SLC35F3: variants seen among roughly 807,000 people sequenced by gnomAD.
SLC35F3 encodes solute carrier family 35 member F3.
SLC35F3 carries 25 observed loss-of-function variants against 49.9 expected under a neutral mutation model. That is an observed-to-expected ratio of 0.50 (90% CI 0.37 to 0.70). The LOEUF (loss-of-function observed/expected upper bound fraction) is 0.70, where lower values mean the gene tolerates loss of function less well. SLC35F3 is among the 30% of genes least tolerant of loss of function. The pLI is 0.00. For missense variants in SLC35F3, 525 were observed against 639.8 expected, an observed-to-expected ratio of 0.82 and a Z score of 1.94; for synonymous variants, 275 against 265.4, an observed-to-expected ratio of 1.04 and a Z score of -0.35.
chr1:233,931,240 G>T (rs1662237563), intron 2 of SLC35F3, among the ~76,000 whole-genome samples: 2 of 152,210 alleles, frequency 1.3e-5, no homozygotes, highest in South Asian at 2.1e-4. Flanking sequence ...AAGACTTCAT[G>T]TCTAAAACAC....
intron 2 of SLC35F3, among the ~76,000 whole-genome samples, chr1:234,091,560 A>G (rs1166518890): frequency 2.0e-5 from 3 of 152,156 alleles, no homozygotes; most frequent in African/African-American, 4.8e-5. Flanking sequence ...CCCTGCTCAA[A>G]AGGGAGAAGC....
At chr1:234,061,780 T>C (rs1050858333) in intron 2 of SLC35F3, among the ~76,000 whole-genome samples, 1 of 152,208 alleles carries the variant, frequency 6.6e-6, no homozygotes, top group African/African-American at 2.4e-5. Context: ...GTTATACTTT[T>C]CAACTCCAGA....
chr1:234,221,261 G>T (rs1192245943), intron 2 of SLC35F3, among the ~76,000 whole-genome samples: 1 of 152,150 alleles, frequency 6.6e-6, no homozygotes, highest in Non-Finnish European at 1.5e-5. Flanking sequence ...GAGAAGCTAT[G>T]CTGTCTTAAG....
intron 2 of SLC35F3, among the ~76,000 whole-genome samples, chr1:234,070,043 A>G (rs1160860824): frequency 6.6e-6 from 1 of 152,230 alleles, no homozygotes; most frequent in African/African-American, 2.4e-5. Context: ...CTCCTCCACC[A>G]GGAAGTTGGT....
At chr1:233,936,575 C>T (rs1316217534) in intron 2 of SLC35F3, among the ~76,000 whole-genome samples, 1 of 151,694 alleles carries the variant, frequency 6.6e-6, no homozygotes. Context: ...TCTCCTCCTT[C>T]CTCTTCCTCC....
chr1:234,140,715 G>T (rs1665902751), intron 2 of SLC35F3, among the ~76,000 whole-genome samples: 1 of 152,154 alleles, frequency 6.6e-6, no homozygotes, highest in African/African-American at 2.4e-5. Context: ...GCGATGTATT[G>T]TCTTACTCAC....
chr1:234,195,448 G>T (rs1666792452), intron 2 of SLC35F3, among the ~76,000 whole-genome samples: 3 of 152,126 alleles, frequency 2.0e-5, no homozygotes, highest in Non-Finnish European at 4.4e-5. Context: ...ATGTATCAAG[G>T]CTCAAGGCAT....
chr1:234,247,279 T>C (rs1667647453), intron 3 of SLC35F3, among the ~76,000 whole-genome samples: 1 of 152,278 alleles, frequency 6.6e-6, no homozygotes, highest in Non-Finnish European at 1.5e-5. Context: ...GCAATGGTTT[T>C]AAACTTTGTC....
chr1:233,931,841 C>T (rs552369302), intron 2 of SLC35F3, among the ~76,000 whole-genome samples: 1 of 152,270 alleles, frequency 6.6e-6, no homozygotes, highest in East Asian at 1.9e-4. Context: ...GACACATGTA[C>T]ACGTATGTTT....
intron 3 of SLC35F3, chr1:234,261,736 G>C (rs1378800804): frequency 6.6e-6 from 1 of 152,124 alleles, no homozygotes; most frequent in Non-Finnish European, 1.5e-5. Context: ...AGTCACTCTT[G>C]TTCAAATGCC....
intron 2 of SLC35F3, among the ~76,000 whole-genome samples, chr1:234,152,627 T>C (rs1327901547): frequency 1.3e-5 from 2 of 152,238 alleles, no homozygotes; most frequent in Admixed American, 1.3e-4. Flanking sequence ...CATTCTATCA[T>C]TGATGGGCAT....
chr1:233,955,739 T>G, intron 2 of SLC35F3, among the ~76,000 whole-genome samples: 1 of 151,384 alleles, frequency 6.6e-6, no homozygotes, highest in East Asian at 1.9e-4. Flanking sequence ...TTCCTGTGAC[T>G]TCTCTACTTG....
At chr1:234,056,962 T>C (rs1048273303) in intron 2 of SLC35F3, among the ~76,000 whole-genome samples, 2 of 152,254 alleles carry the variant, frequency 1.3e-5, no homozygotes, top group African/African-American at 4.8e-5. Context: ...CAAAAATCAG[T>C]TAACCATAGA....
intron 3 of SLC35F3, among the ~76,000 whole-genome samples, chr1:234,305,736 T>G (rs1163362637): frequency 6.6e-6 from 1 of 152,156 alleles, no homozygotes; most frequent in Non-Finnish European, 1.5e-5. Context: ...TTAGATTTCA[T>G]GGAAAAAAAG....
chr1:234,315,940 C>T (rs1012462943), intron 4 of SLC35F3, among the ~76,000 whole-genome samples: 2 of 152,310 alleles, frequency 1.3e-5, no homozygotes, highest in East Asian at 3.9e-4. Context: ...ATGAAGCCTC[C>T]GTCCCATCTG....
rs1664001262 is a variant in SLC35F3 at position 234,027,855 on chromosome 1, A to G, written c.283+122097A>G. 6.6e-6 allele frequency among the ~76,000 whole-genome samples: 1 copy of G among 152,172 alleles called. No individual in the cohort carries two copies. The highest frequency in any genetic ancestry group is 2.4e-5 in the African/African-American group (1 of 41,450). ...CTTTCATTCTAAGGAGGGGAGATGG[A>G]TGATAAAGGAATAAGCCCGTGTAAA... On this transcript the variant is annotated intron_variant, in intron 2 of 7. Coordinates refer to ENST00000366618, the MANE Select transcript of SLC35F3 (RefSeq NM_173508.4). This position sits in a 1 kb window ranked among gnomAD's most constrained non-coding sequence, Gnocchi z 4.1.
chr1:234,249,749 C>G (rs1667706716), intron 3 of SLC35F3, among the ~76,000 whole-genome samples: 1 of 152,240 alleles, frequency 6.6e-6, no homozygotes, highest in Non-Finnish European at 1.5e-5. Flanking sequence ...GAACTTGACA[C>G]TTTAGCCCAA....
intron 2 of SLC35F3, among the ~76,000 whole-genome samples, chr1:234,140,381 T>C (rs998074577): frequency 1.3e-5 from 2 of 152,204 alleles, no homozygotes; most frequent in African/African-American, 4.8e-5. Context: ...TATTATTATA[T>C]TTGTTCTATT....
intron 2 of SLC35F3, among the ~76,000 whole-genome samples, chr1:234,097,756 C>T (rs570755221): frequency 1.3e-5 from 2 of 152,306 alleles, no homozygotes; most frequent in South Asian, 2.1e-4. Context: ...AAGGTTTGGG[C>T]TTGTCTGACT....
Sources: allele counts gnomAD v4.1 joint callset (sites outside exome capture counted in the v4.1 genomes callset), GRCh38; gene constraint gnomAD v4.1.1; non-coding constraint Gnocchi (gnomAD v3.1); transcripts MANE v1.5; gene names NCBI Gene and HGNC (gene_info 2026-07-23, HGNC 2026-07-21).